The following WWOX variants were observed in gnomAD, a reference collection of about 807,000 sequenced individuals.
The protein encoded by WWOX is WW domain-containing oxidoreductase.
WWOX carries 69 observed loss-of-function variants against 46.2 expected under a neutral mutation model. The observed-to-expected ratio is 1.49, with a 90% confidence interval of 1.23 to 1.82. WWOX has a LOEUF of 1.82. Ranked by LOEUF, WWOX falls within the 40% of genes most tolerant of loss-of-function variation. The pLI is 0.00. For synonymous variants in WWOX, 359 were observed against 202.6 expected (o/e 1.77, Z -6.56); for missense variants, 919 against 542.6 (o/e 1.69, Z -6.89).
chr16:79,077,135 C>T (rs1018675445), intron 8 of WWOX, among the ~76,000 whole-genome samples: 3 of 152,150 alleles, frequency 2.0e-5, no homozygotes, highest in African/African-American at 7.2e-5. Flanking sequence ...AACCCCTAAG[C>T]CCGTGCTTTG....
intron 5 of WWOX, among the ~76,000 whole-genome samples, chr16:78,374,805 C>G (rs1390377755): frequency 6.6e-6 from 1 of 151,976 alleles, no homozygotes; most frequent in Non-Finnish European, 1.5e-5. Flanking sequence ...CTGCCTCGGC[C>G]TCCCAAAGTG....
intron 7 of WWOX, among the ~76,000 whole-genome samples, chr16:78,427,546 A>G (rs922321259): frequency 7.2e-5 from 11 of 152,120 alleles, no homozygotes; most frequent in South Asian, 2.1e-4. Flanking sequence ...ACGCACGCAC[A>G]CACACACACA....
intron 8 of WWOX, among the ~76,000 whole-genome samples, chr16:79,137,706 C>G (rs545795525): frequency 2.0e-5 from 3 of 152,242 alleles, no homozygotes; most frequent in South Asian, 2.1e-4. Flanking sequence ...TCCCCCGACC[C>G]TCCTCCATCC....
At position 78,304,733 on chromosome 16, in the gene WWOX, C is replaced by T. The variant is rs1205097077; in HGVS notation, c.517-82127C>T. Among the ~76,000 whole-genome samples, 5 of 152,298 alleles carry T rather than the reference C, an allele frequency of 3.3e-5. No homozygotes were observed. In the East Asian group the frequency reaches 5.8e-4, roughly 18 times the overall value. ...TATGAACAACACCATAATGGGCAAC[C>T]TTGTACACATTTCCTGTCAACATGT... On this transcript the variant is annotated intron_variant, in intron 5 of 8. Transcript: ENST00000566780.
intron 8 of WWOX, among the ~76,000 whole-genome samples, chr16:78,541,347 A>T (rs867481122): frequency 2.0e-5 from 3 of 149,446 alleles, no homozygotes; most frequent in African/African-American, 7.4e-5. Context: ...AGTGGCGGGC[A>T]CCTGTAGTCC....
intron 8 of WWOX, among the ~76,000 whole-genome samples, chr16:79,046,929 A>G (rs770706796): frequency 7.9e-5 from 12 of 152,186 alleles, no homozygotes; most frequent in Non-Finnish European, 1.8e-4. Flanking sequence ...TAAACAACTC[A>G]CAACTCATTA....
intron 8 of WWOX, among the ~76,000 whole-genome samples, chr16:78,472,327 C>G (rs16947629): frequency 0.34 from 51,941 of 152,016 alleles, 12,177 homozygotes; most frequent in African/African-American, 0.68. Context: ...ATATTCCAAG[C>G]CTGTCAATTC....
At chr16:79,022,775 A>G (rs1230554602) in intron 8 of WWOX, among the ~76,000 whole-genome samples, 1 of 152,226 alleles carries the variant, frequency 6.6e-6, no homozygotes, top group African/African-American at 2.4e-5. Context: ...GGCACATGTC[A>G]GCGGCTTTGC....
chr16:78,820,709 T>C lies in WWOX; in HGVS notation c.1056+387957T>C, dbSNP rs1037609563. 7.9e-5 allele frequency among the ~76,000 whole-genome samples: 12 copies of C among 152,294 alleles called. No homozygotes were observed. The South Asian group carries it at 1.7e-3, about 21-fold the overall frequency. On this transcript the variant is annotated intron_variant, in intron 8 of 8. Transcript: ENST00000566780. ...TTCCTGGGCCTGCCATAACAAATTA[T>C]CGCAAACTGGGTAGATTGAGAATCA...
At chr16:78,594,768 T>C (rs973327192) in intron 8 of WWOX, among the ~76,000 whole-genome samples, 1 of 152,148 alleles carries the variant, frequency 6.6e-6, no homozygotes, top group African/African-American at 2.4e-5. Flanking sequence ...TTTTTATTTA[T>C]TTTATTTAGC....
At chr16:78,682,444 G>C (rs1395698161) in intron 8 of WWOX, among the ~76,000 whole-genome samples, 1 of 152,132 alleles carries the variant, frequency 6.6e-6, no homozygotes, top group Non-Finnish European at 1.5e-5. Flanking sequence ...GCCGGGTCTG[G>C]TGGTGGCGTG....
intron 8 of WWOX, among the ~76,000 whole-genome samples, chr16:79,059,281 C>T (rs1038652769): frequency 6.6e-5 from 10 of 151,970 alleles, no homozygotes; most frequent in Admixed American, 6.6e-4. Context: ...TAAAAGACAC[C>T]CTCATGTTGA....
intron 8 of WWOX, among the ~76,000 whole-genome samples, chr16:79,197,016 C>A (rs879293728): frequency 6.6e-6 from 1 of 152,058 alleles, no homozygotes; most frequent in African/African-American, 2.4e-5. Flanking sequence ...AACGTTGCAA[C>A]GTTTCTAGAA....
At chr16:78,430,295 G>T (rs1357092440) in intron 7 of WWOX, among the ~76,000 whole-genome samples, 1 of 152,030 alleles carries the variant, frequency 6.6e-6, no homozygotes, top group Non-Finnish European at 1.5e-5. Flanking sequence ...TGACACATGG[G>T]GGTTATTACA....
At position 78,201,413 on chromosome 16, in the gene WWOX, T is replaced by C. The variant is rs965302509; in HGVS notation, c.516+37124T>C. Among the ~76,000 whole-genome samples, 8 of 152,200 alleles carry C rather than the reference T, an allele frequency of 5.3e-5. 1 individual carries two copies. Among genetic ancestry groups the C allele is most frequent in the Non-Finnish European group, 1.2e-4 (8 of 68,038 alleles). On this transcript the variant is annotated intron_variant, in intron 5 of 8. Coordinates refer to ENST00000566780, the MANE Select transcript of WWOX (RefSeq NM_016373.4). ...TGGGCTTGATTATTCTAAGACTGTA[T>C]TCTAAGTCTAAAATGTTGATAACTA...
chr16:79,011,801 TAAAAAACA>T (rs1024310297), intron 8 of WWOX, among the ~76,000 whole-genome samples: 1 of 151,834 alleles, frequency 6.6e-6, no homozygotes, highest in South Asian at 2.1e-4. Flanking sequence ...CCCCCTTTTT[TAAAAAACA>T]AAAAAACAAA....
intron 8 of WWOX, among the ~76,000 whole-genome samples, chr16:78,726,280 A>G (rs2048834738): frequency 6.7e-6 from 1 of 149,100 alleles, no homozygotes; most frequent in Admixed American, 6.7e-5. Flanking sequence ...GTTACAGTGC[A>G]GTGGCATGAT....
At chr16:78,602,475 A>C (rs962477809) in intron 8 of WWOX, among the ~76,000 whole-genome samples, 1 of 152,056 alleles carries the variant, frequency 6.6e-6, no homozygotes, top group Non-Finnish European at 1.5e-5. Context: ...CTTGTGATCC[A>C]CCCACCTCGG....
chr16:78,725,829 TC>T (rs1380622124), intron 8 of WWOX, among the ~76,000 whole-genome samples: 4 of 152,088 alleles, frequency 2.6e-5, no homozygotes, highest in South Asian at 4.2e-4. Context: ...TGCTTGGTGT[TC>T]CTTGGCTTGT....
Sources: allele counts gnomAD v4.1 joint callset (sites outside exome capture counted in the v4.1 genomes callset), GRCh38; gene constraint gnomAD v4.1.1; transcripts MANE v1.5; gene names NCBI Gene and HGNC (gene_info 2026-07-23, HGNC 2026-07-21).